The following TNRC6B variants were observed in gnomAD, a reference collection of about 807,000 sequenced individuals.
The protein encoded by TNRC6B is trinucleotide repeat-containing gene 6B protein.
In TNRC6B, 52 loss-of-function variants were observed where a neutral mutation model predicts 203.6. That is an observed-to-expected ratio of 0.26 (90% CI 0.20 to 0.32). TNRC6B has a LOEUF of 0.32. Among genes scored for constraint, TNRC6B ranks in the 10% least tolerant of loss-of-function variants. The pLI is 1.00. For missense variants in TNRC6B, 1,923 were observed against 2,286.2 expected (o/e 0.84, Z 3.24); for synonymous variants, 838 against 845.7 (o/e 0.99, Z 0.16).
At chr22:40,297,142 T>C (rs918773522) in intron 12 of TNRC6B, among the ~76,000 whole-genome samples, 1 of 152,236 alleles carries the variant, frequency 6.6e-6, no homozygotes, top group Non-Finnish European at 1.5e-5. Flanking sequence ...AGAAGAACAA[T>C]ATAGTTGTTG....
intron 1 of TNRC6B, among the ~76,000 whole-genome samples, chr22:40,080,558 C>T (rs2068056101): frequency 6.6e-6 from 1 of 152,162 alleles, no homozygotes; most frequent in East Asian, 1.9e-4. Flanking sequence ...CATCTGCACT[C>T]AGCTGCCACT....
chr22:40,235,081 C>T (rs766530761), intron 1 of TNRC6B, among the ~76,000 whole-genome samples: 13 of 152,130 alleles, frequency 8.5e-5, no homozygotes, highest in Non-Finnish European at 1.5e-5. Context: ...CGTGTGGTGT[C>T]ATTAATCCTT....
intron 4 of TNRC6B, among the ~76,000 whole-genome samples, chr22:40,171,673 T>A (rs2069000897): frequency 6.6e-6 from 1 of 152,164 alleles, no homozygotes; most frequent in Admixed American, 6.6e-5. Flanking sequence ...TGTTTTCTTT[T>A]CCTGCTGAAA....
At chr22:40,172,544 A>G (rs925667304) in intron 4 of TNRC6B, among the ~76,000 whole-genome samples, 1 of 152,208 alleles carries the variant, frequency 6.6e-6, no homozygotes, top group African/African-American at 2.4e-5. Flanking sequence ...ATAATGAATT[A>G]TTCTCTTAAA....
At chr22:40,313,616 C>T (rs1479749270) in intron 19 of TNRC6B, among the ~76,000 whole-genome samples, 2 of 152,210 alleles carry the variant, frequency 1.3e-5, no homozygotes, top group Non-Finnish European at 1.5e-5. Context: ...TTGCACAAGT[C>T]GGACCTTAAG....
At chr22:40,092,604 G>A (rs1217274908) in intron 1 of TNRC6B, among the ~76,000 whole-genome samples, 1 of 152,026 alleles carries the variant, frequency 6.6e-6, no homozygotes, top group Non-Finnish European at 1.5e-5. Flanking sequence ...AAACTCCTGG[G>A]CTCAAGTGAT....
At chr22:40,162,336 C>T (rs1002851466) in intron 4 of TNRC6B, among the ~76,000 whole-genome samples, 10 of 152,210 alleles carry the variant, frequency 6.6e-5, no homozygotes, top group Middle Eastern at 3.4e-3. Context: ...CCTCGTGATC[C>T]GCCTGCCTCG....
intron 19 of TNRC6B, among the ~76,000 whole-genome samples, chr22:40,314,280 T>C (rs1466746959): frequency 6.6e-6 from 1 of 152,228 alleles, no homozygotes; most frequent in Non-Finnish European, 1.5e-5. Context: ...ATTTTCTTCC[T>C]CTTTCCTCTC....
intron 12 of TNRC6B, 71 bp downstream of exon 12, chr22:40,285,841 T>G: frequency 6.4e-7 from 1 of 1,551,926 alleles, no homozygotes; most frequent in Non-Finnish European, 8.7e-7. Flanking sequence ...GTTAACTGAT[T>G]TTTGTGGGCA....
chr22:40,273,657 G>C, intron 7 of TNRC6B, 57 bp downstream of exon 7: 2 of 1,475,846 alleles, frequency 1.4e-6, no homozygotes, highest in Non-Finnish European at 9.0e-7. Flanking sequence ...GCAGAACTGA[G>C]GTTTTGTTTT....
At chr22:40,274,213 A>C (rs571442825) in intron 7 of TNRC6B, among the ~76,000 whole-genome samples, 1 of 152,128 alleles carries the variant, frequency 6.6e-6, no homozygotes, top group African/African-American at 2.4e-5. Context: ...ATGCTTTTGC[A>C]TTCTAAAGCC....
chr22:40,266,956 T>C lies in TNRC6B; in HGVS notation c.2726T>C (p.Leu909Pro). 1.2e-6 allele frequency: 2 copies of C among 1,613,662 alleles called. No homozygotes were observed. Among genetic ancestry groups the C allele is most frequent in the Non-Finnish European group, 1.7e-6 (2 of 1,179,752 alleles). ...AGTTATAACTACAAGAATGTGAATC[T>C]GTGGGATAAGAATTCCCAAGGGGGC... ...PNSYNYKNVN[L>P]WDKNSQGGPA... The change falls in exon 5 of 23, where the codon CTG becomes CCG. Residue 909 changes from leucine to proline, a missense_variant. Around this residue, in one of 8 missense-constraint regions of TNRC6B, gnomAD observed 599 missense variants for 656.5 expected, o/e 0.91. Coordinates refer to ENST00000454349, the MANE Select transcript of TNRC6B (RefSeq NM_001162501.2).
At chr22:40,075,548 G>C (rs2146284704) in intron 1 of TNRC6B, among the ~76,000 whole-genome samples, 1 of 151,938 alleles carries the variant, frequency 6.6e-6, no homozygotes, top group African/African-American at 2.4e-5. Flanking sequence ...ATAGTAGATA[G>C]TTGGATTTTT....
chr22:40,144,046 C>T (rs1044936843), intron 3 of TNRC6B, among the ~76,000 whole-genome samples: 2 of 152,202 alleles, frequency 1.3e-5, no homozygotes, highest in Non-Finnish European at 2.9e-5. Flanking sequence ...AAAATGACTA[C>T]AGTTCAAAAG....
In TNRC6B at chr22:40,178,046, G is replaced by A. The variant is rs1380279329; in HGVS notation, c.-90G>A. On this transcript the variant is annotated 5_prime_UTR_variant, in exon 1 of 23. Coordinates refer to ENST00000454349, the MANE Select transcript of TNRC6B (RefSeq NM_001162501.2). ...TATTTAAAATACAAAAAAACAGATA[G>A]ACAAAAAGAATTCATTTTTTGGACC... The A allele has an allele frequency of 7.6e-6, 12 of 1,586,936 alleles. No individual in the cohort carries two copies. Among genetic ancestry groups the A allele is most frequent in the Non-Finnish European group, 1.0e-5 (12 of 1,171,776 alleles).
chr22:40,051,324 A>G (rs73416453), intron 1 of TNRC6B, among the ~76,000 whole-genome samples: 5,164 of 152,284 alleles, frequency 0.034, 309 homozygotes, highest in African/African-American at 0.12. Flanking sequence ...TAAGCTCACT[A>G]AGTCCCACAA....
chr22:40,153,448 T>TA, intron 3 of TNRC6B, among the ~76,000 whole-genome samples: 1 of 152,050 alleles, frequency 6.6e-6, no homozygotes, highest in East Asian at 1.9e-4. Flanking sequence ...GTGAAACTGA[T>TA]AGATTACCTG....
intron 1 of TNRC6B, among the ~76,000 whole-genome samples, chr22:40,201,627 G>C (rs2069413240): frequency 6.6e-6 from 1 of 151,736 alleles, no homozygotes; most frequent in Non-Finnish European, 1.5e-5. Flanking sequence ...AAGAGACAGG[G>C]TCTCGCTGTG....
At chr22:40,232,146 T>G (rs761402170) in intron 1 of TNRC6B, among the ~76,000 whole-genome samples, 4 of 151,754 alleles carry the variant, frequency 2.6e-5, no homozygotes, top group Non-Finnish European at 5.9e-5. Context: ...AAAACAGGAG[T>G]GTTAGGTGGC....
Sources: gnomAD v4.1 joint callset for allele counts (sites outside exome capture counted in the v4.1 genomes callset) on GRCh38, gnomAD v4.1.1 for gene constraint, gnomAD v4.1.1 regional missense constraint, MANE v1.5 for transcripts, NCBI Gene and HGNC (gene_info 2026-07-23, HGNC 2026-07-21) for gene names.